PARD3: variants seen among roughly 807,000 people sequenced by gnomAD.
PARD3 encodes the protein par-3 family cell polarity regulator, also known as partitioning defective 3 homolog.
A neutral mutation model predicts 155.4 loss-of-function variants in PARD3; 75 were observed. The observed-to-expected ratio is 0.48, with a 90% CI of 0.40 to 0.58. PARD3 has a LOEUF of 0.58. PARD3 is among the 20% of genes least tolerant of loss of function. The pLI is 0.00. For synonymous variants in PARD3, 576 were observed against 610.5 expected (o/e 0.94, Z 0.83); for missense variants, 1,642 against 1,721.7 (o/e 0.95, Z 0.82).
intron 20 of PARD3, among the ~76,000 whole-genome samples, chr10:34,311,588 T>G (rs1957700054): frequency 6.6e-6 from 1 of 152,188 alleles, no homozygotes; most frequent in African/African-American, 2.4e-5. Flanking sequence ...GCAGACTCTT[T>G]CCAGAAACAT....
intron 22 of PARD3, among the ~76,000 whole-genome samples, chr10:34,178,100 A>G (rs141420998): frequency 2.0e-4 from 30 of 152,332 alleles, no homozygotes; most frequent in Non-Finnish European, 3.8e-4. Flanking sequence ...GACATAAGTA[A>G]CCTAATTGGA....
chr10:34,370,641 A>T (rs1426658661), intron 12 of PARD3, among the ~76,000 whole-genome samples: 2 of 152,100 alleles, frequency 1.3e-5, no homozygotes, highest in African/African-American at 2.4e-5. Flanking sequence ...ATTGTCTCAG[A>T]CATTAATAGA....
intron 2 of PARD3, among the ~76,000 whole-genome samples, chr10:34,654,061 A>C (rs1436366692): frequency 6.6e-6 from 1 of 152,128 alleles, no homozygotes; most frequent in African/African-American, 2.4e-5. Context: ...CCTTGTCTTT[A>C]TTAATTGCTT....
chr10:34,726,862 C>T (rs1217126193), intron 1 of PARD3, among the ~76,000 whole-genome samples: 1 of 152,160 alleles, frequency 6.6e-6, no homozygotes, highest in African/African-American at 2.4e-5. Flanking sequence ...CCTTTCTGAG[C>T]ACAGACCTCT....
chr10:34,635,757 C>T (rs1490112768), intron 2 of PARD3, among the ~76,000 whole-genome samples: 1 of 152,124 alleles, frequency 6.6e-6, no homozygotes, highest in African/African-American at 2.4e-5. Flanking sequence ...CCGGTATGTC[C>T]CAGAACTGAG....
At chr10:34,762,990 G>T (rs760785678) in intron 1 of PARD3, among the ~76,000 whole-genome samples, 1 of 152,186 alleles carries the variant, frequency 6.6e-6, no homozygotes, top group Non-Finnish European at 1.5e-5. Context: ...TCATGCCAGT[G>T]GGGGCACTGA....
intron 1 of PARD3, among the ~76,000 whole-genome samples, chr10:34,808,124 G>A (rs1843630529): frequency 6.6e-6 from 1 of 152,126 alleles, no homozygotes; most frequent in Non-Finnish European, 1.5e-5. Flanking sequence ...GATCAGCCTA[G>A]CCAACATGGC....
In PARD3 at chr10:34,639,372, T is replaced by A. The variant is rs2092592596; in HGVS notation, c.222+56946A>T. Among the ~76,000 whole-genome samples, 14 of 147,290 alleles carry A rather than the reference T, an allele frequency of 9.5e-5. No homozygotes were observed. In the South Asian group the frequency reaches 3.0e-3, roughly 32 times the overall value. ...AGAGCAAGACTCTGTCTCAAAAAAA[T>A]AAAAATAAAAGTAAAAAAAAAATAA... On this transcript the variant is annotated intron_variant, in intron 2 of 24. Coordinates refer to ENST00000374788, the MANE Select transcript of PARD3 (RefSeq NM_001184785.2).
At chr10:34,115,222 C>A (rs1270594557) in intron 24 of PARD3, among the ~76,000 whole-genome samples, 1 of 151,896 alleles carries the variant, frequency 6.6e-6, no homozygotes, top group African/African-American at 2.4e-5. Flanking sequence ...AGAGACACAG[C>A]GTGGAGGGTG....
intron 3 of PARD3, among the ~76,000 whole-genome samples, chr10:34,486,263 TAA>T (rs2079462619): frequency 6.6e-6 from 1 of 152,148 alleles, no homozygotes; most frequent in African/African-American, 2.4e-5. Flanking sequence ...GAGGAGGGTA[TAA>T]AAAGGTACAT....
intron 19 of PARD3, among the ~76,000 whole-genome samples, chr10:34,322,579 A>G (rs1193291200): frequency 6.6e-6 from 1 of 152,186 alleles, no homozygotes; most frequent in Non-Finnish European, 1.5e-5. Context: ...TAGCTTTGGC[A>G]ATTTTACTAG....
At chr10:34,623,079 A>G (rs900054651) in intron 2 of PARD3, among the ~76,000 whole-genome samples, 3 of 152,098 alleles carry the variant, frequency 2.0e-5, no homozygotes, top group African/African-American at 7.2e-5. Flanking sequence ...AAGGCAGAGT[A>G]AGAAAAGTGA....
intron 1 of PARD3, among the ~76,000 whole-genome samples, chr10:34,738,509 G>A (rs2094954957): frequency 1.1e-5 from 1 of 92,936 alleles, no homozygotes; most frequent in South Asian, 3.6e-4. Context: ...AAGCTCCACA[G>A]CACATCACTA....
intron 4 of PARD3, among the ~76,000 whole-genome samples, chr10:34,465,607 A>T (rs2077961615): frequency 6.6e-6 from 1 of 152,218 alleles, no homozygotes; most frequent in African/African-American, 2.4e-5. Flanking sequence ...AATGATGCCA[A>T]TGCAATAGGT....
intron 22 of PARD3, among the ~76,000 whole-genome samples, chr10:34,197,978 C>T (rs1387787946): frequency 6.6e-5 from 10 of 152,302 alleles, no homozygotes; most frequent in African/African-American, 1.2e-4. Flanking sequence ...CATCGTGATC[C>T]GCCTGCCTCA....
intron 12 of PARD3, 42 bp from the exon 13 acceptor site, chr10:34,360,301 T>A: frequency 7.0e-7 from 1 of 1,431,272 alleles, no homozygotes; most frequent in Non-Finnish European, 9.8e-7. Context: ...TAGTCCAATG[T>A]TTCTTTCTCA....
At chr10:34,753,892 G>A (rs904405316) in intron 1 of PARD3, among the ~76,000 whole-genome samples, 2 of 152,108 alleles carry the variant, frequency 1.3e-5, no homozygotes, top group African/African-American at 4.8e-5. Context: ...AAACAAAAAG[G>A]AGCACACAGT....
chr10:34,769,385 A>G (rs1838542120), intron 1 of PARD3, among the ~76,000 whole-genome samples: 1 of 152,160 alleles, frequency 6.6e-6, no homozygotes, highest in Non-Finnish European at 1.5e-5. Flanking sequence ...ACTGAACACC[A>G]AATCGACACT....
In PARD3 at chr10:34,331,339, G is replaced by A. The variant is rs780923158; in HGVS notation, c.2611C>T (p.Pro871Ser). The A allele has an allele frequency of 4.5e-5, 73 of 1,608,632 alleles. No homozygotes were observed. In the East Asian group the frequency reaches 1.4e-3, roughly 31 times the overall value. Reference protein sequence around the residue: ...NTVDDQKAGSPSRDVGPSLGL... With the variant: ...NTVDDQKAGSSSRDVGPSLGL... ...AGGGAAGGACCCACATCTCTGCTGG[G>A]AGAACCTGGGAGGTTTACAAGAAAA... is the stretch of plus-strand genomic sequence containing the variant. Residue 871 changes from proline (P) to serine (S), a missense_variant, in exon 19 of 25, where the codon CCC (proline) becomes TCC (serine). Around this residue, in one of 3 missense-constraint regions of PARD3, gnomAD observed 1,529 missense variants for 1,587.3 expected, o/e 0.96. Coordinates refer to ENST00000374788, the MANE Select transcript of PARD3 (RefSeq NM_001184785.2).
Sources: gnomAD v4.1 joint callset for allele counts (sites outside exome capture counted in the v4.1 genomes callset) on GRCh38, gnomAD v4.1.1 for gene constraint, gnomAD v4.1.1 regional missense constraint, MANE v1.5 for transcripts, NCBI Gene and HGNC (gene_info 2026-07-23, HGNC 2026-07-21) for gene names.